The following KYNU variants were observed in gnomAD, a reference collection of about 807,000 sequenced individuals.
KYNU encodes L-kynurenine hydrolase.
KYNU carries 54 observed loss-of-function variants against 59.2 expected under a neutral mutation model. The observed-to-expected ratio is 0.91, with a 90% CI of 0.73 to 1.14. The LOEUF is 1.14. Ranked by LOEUF, KYNU falls within the 50% of genes most tolerant of loss-of-function variation. KYNU has a pLI of 0.00. For missense variants in KYNU, 567 were observed against 554.4 expected (o/e 1.02, Z -0.23); for synonymous variants, 177 against 192.0 (o/e 0.92, Z 0.65).
At chr2:143,007,589 C>A (rs532010412) in intron 10 of KYNU, among the ~76,000 whole-genome samples, 1 of 113,134 alleles carries the variant, frequency 8.8e-6, no homozygotes, top group African/African-American at 4.1e-5. Flanking sequence ...AAGAGCAACT[C>A]CAAGACACAT....
chr2:142,927,716 T>C lies in KYNU; in HGVS notation c.348T>C (p.Ile116=), dbSNP rs769872741. Residue 116 remains isoleucine, a synonymous_variant, in exon 4 of 14, where the codon ATT becomes ATC. Transcript: ENST00000264170. ...KRPWITGDES[I]VGLMKDIVGA... The stretch of plus-strand genomic sequence containing the variant: ...CTTGGATTACAGGAGATGAGAGTAT[T>C]GTAGGCCTTATGAAGGACATTGTAG... 3 of 1,612,382 alleles carry C rather than the reference T, an allele frequency of 1.9e-6. No individual in the cohort carries two copies. The highest frequency in any genetic ancestry group is 2.2e-5 in the South Asian group (2 of 91,044).
At chr2:143,040,701 G>T (rs780157491) in intron 13 of KYNU, 43 bp downstream of exon 13, 1 of 1,242,058 alleles carries the variant, frequency 8.1e-7, no homozygotes, top group Non-Finnish European at 1.1e-6. Flanking sequence ...TCTATGGGCC[G>T]CATGTTAGGG....
chr2:143,038,717 C>T (rs1349648313), intron 12 of KYNU, among the ~76,000 whole-genome samples: 2 of 152,110 alleles, frequency 1.3e-5, no homozygotes, highest in African/African-American at 4.8e-5. Context: ...GCCTCTCCTT[C>T]AGCCAATCCA....
intron 8 of KYNU, chr2:142,971,067 TATGCCAACA>T (rs1684705623): frequency 1.3e-5 from 2 of 152,168 alleles, no homozygotes; most frequent in Admixed American, 1.3e-4. Flanking sequence ...AATGTAGTCA[TATGCCAACA>T]ATAGGAAATC....
intron 4 of KYNU, among the ~76,000 whole-genome samples, chr2:142,953,843 T>C (rs1684074721): frequency 6.6e-6 from 1 of 152,194 alleles, no homozygotes; most frequent in African/African-American, 2.4e-5. Context: ...TCTTAAATTA[T>C]ATACTTATTT....
chr2:142,894,833 A>T (rs1025016037), intron 2 of KYNU, among the ~76,000 whole-genome samples: 3 of 152,144 alleles, frequency 2.0e-5, no homozygotes, highest in African/African-American at 7.2e-5. Context: ...TTGTCCAAGT[A>T]TATGGCTCAC....
At chr2:142,899,081 G>C (rs1034656321) in intron 2 of KYNU, among the ~76,000 whole-genome samples, 2 of 152,286 alleles carry the variant, frequency 1.3e-5, no homozygotes, top group East Asian at 3.9e-4. Context: ...GTCAATGGCA[G>C]GTCTGTAACA....
rs1389560600 is a variant in KYNU at position 143,048,926 on chromosome 2, T to C, written c.*6754T>C. 6.6e-6 allele frequency: 1 copy of C among 152,198 alleles called. No homozygotes were observed. The highest frequency in any genetic ancestry group is 1.5e-5 in the Non-Finnish European group (1 of 68,036). 9.4% of individuals were successfully genotyped at this position (152,198 alleles called of 1,614,324 possible). ...GAATGTAAATTAGTTCAACCATTGCTCTTAAGGGCTCTTTGTCTTTAATGA... is the reference window on the plus strand; with the variant it reads ...GAATGTAAATTAGTTCAACCATTGCCCTTAAGGGCTCTTTGTCTTTAATGA... On this transcript the variant is annotated 3_prime_UTR_variant, in exon 14 of 14. Coordinates refer to ENST00000264170, the MANE Select transcript of KYNU (RefSeq NM_003937.3).
At chr2:142,939,616 A>G (rs1053136915) in intron 4 of KYNU, among the ~76,000 whole-genome samples, 1 of 150,510 alleles carries the variant, frequency 6.6e-6, no homozygotes, top group Non-Finnish European at 1.5e-5. Flanking sequence ...AAAAAAAAAA[A>G]AAAAAAGAAA....
chr2:142,966,469 C>CTTCA (rs1157293833), intron 8 of KYNU, among the ~76,000 whole-genome samples: 2 of 152,296 alleles, frequency 1.3e-5, no homozygotes, highest in Middle Eastern at 3.4e-3. Context: ...AGTCCATGAC[C>CTTCA]TTTTCTGGGA....
intron 10 of KYNU, among the ~76,000 whole-genome samples, chr2:143,013,531 GA>G (rs1202291124): frequency 6.6e-6 from 1 of 152,136 alleles, no homozygotes; most frequent in Non-Finnish European, 1.5e-5. Flanking sequence ...TAGTTTTAAA[GA>G]AAAGTTGCAT....
intron 2 of KYNU, among the ~76,000 whole-genome samples, chr2:142,907,211 A>C (rs1411878399): frequency 6.6e-6 from 1 of 152,212 alleles, no homozygotes; most frequent in African/African-American, 2.4e-5. Flanking sequence ...AGATGGCAGC[A>C]AGCCTTTTGT....
intron 10 of KYNU, among the ~76,000 whole-genome samples, chr2:142,987,218 C>A (rs1225031975): frequency 6.6e-6 from 1 of 151,820 alleles, no homozygotes; most frequent in Non-Finnish European, 1.5e-5. Flanking sequence ...GACTCACAAC[C>A]CTGGCCATTT....
intron 10 of KYNU, among the ~76,000 whole-genome samples, chr2:143,017,592 T>A (rs1686294295): frequency 6.6e-6 from 1 of 151,742 alleles, no homozygotes; most frequent in South Asian, 2.1e-4. Flanking sequence ...GCATGCACCA[T>A]CACGCCCAGC....
At position 143,047,493 on chromosome 2, in the gene KYNU, C is replaced by CCCTT. The variant is rs760956556; in HGVS notation, c.*5335_*5338dup. The CCCTT allele has an allele frequency of 7.3e-5, 11 of 150,216 alleles. No individual in the cohort carries two copies. Among genetic ancestry groups the CCCTT allele is most frequent in the Admixed American group, 1.3e-4 (2 of 14,998 alleles). The allele number at this position is 150,216 out of a possible 1,614,324, so 9.3% of individuals were successfully genotyped here. On this transcript the variant is annotated 3_prime_UTR_variant, in exon 14 of 14. Transcript: ENST00000264170. ...TTTATGCAAATGAGCACATTTTTCTCCCTTCCTTCCTTCCTTCTTTCCTTG... is the reference window on the plus strand; with the variant it reads ...TTTATGCAAATGAGCACATTTTTCTCCCTTCCTTCCTTCCTTCCTTCTTTCCTTG...
At chr2:142,909,973 G>T (rs994163722) in intron 2 of KYNU, among the ~76,000 whole-genome samples, 18 of 151,958 alleles carry the variant, frequency 1.2e-4, no homozygotes, top group African/African-American at 3.9e-4. Context: ...GTTATTTTTT[G>T]ATGTTTTAGT....
intron 10 of KYNU, among the ~76,000 whole-genome samples, chr2:143,004,251 T>G (rs1371001300): frequency 6.6e-6 from 1 of 152,150 alleles, no homozygotes; most frequent in African/African-American, 2.4e-5. Context: ...ACTTCACACT[T>G]TGTTTAACCA....
At chr2:143,026,478 C>T (rs1573911392) in intron 10 of KYNU, among the ~76,000 whole-genome samples, 1 of 152,324 alleles carries the variant, frequency 6.6e-6, no homozygotes, top group South Asian at 2.1e-4. Context: ...CACGAGCGAA[C>T]GAGTACGGGA....
chr2:142,999,716 G>T (rs1685656274), intron 10 of KYNU, among the ~76,000 whole-genome samples: 1 of 152,040 alleles, frequency 6.6e-6, no homozygotes, highest in African/African-American at 2.4e-5. Flanking sequence ...CATTGATGTT[G>T]TTCGTCATGA....
Sources: allele counts gnomAD v4.1 joint callset (sites outside exome capture counted in the v4.1 genomes callset), GRCh38; gene constraint gnomAD v4.1.1; transcripts MANE v1.5; gene names NCBI Gene and HGNC (gene_info 2026-07-23, HGNC 2026-07-21).